Variants in CDC20B observed in about 807,000 individuals in gnomAD.
The protein encoded by CDC20B is cell division cycle protein 20 homolog B.
CDC20B carries 58 observed loss-of-function variants against 64.1 expected under a neutral mutation model. The observed-to-expected ratio is 0.90, with a 90% CI of 0.73 to 1.13. The LOEUF is 1.13. CDC20B is among the 50% of genes most tolerant of loss of function. The probability of loss-of-function intolerance (pLI) is 0.00; values close to 1 mark genes in which losing one functional copy is unlikely to be tolerated. For synonymous variants in CDC20B, 243 were observed against 230.6 expected (o/e 1.05, Z -0.49); for missense variants, 597 against 633.0 (o/e 0.94, Z 0.61).
chr5:55,135,681 T>C (rs999313855), intron 5 of CDC20B: 1 of 151,868 alleles, frequency 6.6e-6, no homozygotes, highest in Non-Finnish European at 1.5e-5. Flanking sequence ...ACAGGGCACA[T>C]GCAGCCCAGG....
At position 55,143,627 on chromosome 5, in the gene CDC20B, T is replaced by C. The variant is rs1426125897; in HGVS notation, c.372A>G (p.Gln124=). Residue 124 remains glutamine, a synonymous_variant, in exon 4 of 12, where the codon CAA becomes CAG. Transcript: ENST00000381375. The part of the protein sequence containing the change: ...ETLTLGSRKE[Q]LKTPSKGISE... ...AAATTCCTTTGCTGGGGGTCTTCAG[T>C]TGTTCTTTGCGGGATCCTACAAGAA... The C allele has an allele frequency of 1.3e-6, 2 of 1,598,760 alleles. No homozygotes were observed. The highest frequency in any genetic ancestry group is 1.4e-5 in the African/African-American group (1 of 73,924).
intron 9 of CDC20B, 144 bp from the exon 10 acceptor site, chr5:55,120,694 C>T: frequency 2.3e-6 from 2 of 882,726 alleles, no homozygotes; most frequent in Non-Finnish European, 3.5e-6. Flanking sequence ...GCAGGAGCAA[C>T]TGCACCCTCC....
intron 2 of CDC20B, among the ~76,000 whole-genome samples, chr5:55,148,777 T>TA (rs1481692083): frequency 6.6e-6 from 1 of 152,252 alleles, no homozygotes; most frequent in Admixed American, 6.5e-5. Context: ...ATTGAGTAGT[T>TA]ACTATGTATG....
rs529321343 is a variant in CDC20B at position 55,169,372 on chromosome 5, A to T, written c.126+3216T>A. 1.7e-4 allele frequency among the ~76,000 whole-genome samples: 26 copies of T among 152,358 alleles called. No homozygotes were observed. The South Asian group carries it at 5.4e-3, about 32-fold the overall frequency. On this transcript the variant is annotated intron_variant, in intron 2 of 11. Coordinates refer to ENST00000381375, the MANE Select transcript of CDC20B (RefSeq NM_001170402.1). ...GAATGCGAAATATTTCTTATATCTC[A>T]TCTATGGCTTAACTAACTGATGGCA...
chr5:55,152,212 A>T (rs927063847), intron 2 of CDC20B, among the ~76,000 whole-genome samples: 1 of 152,230 alleles, frequency 6.6e-6, no homozygotes, highest in South Asian at 2.1e-4. Flanking sequence ...CTTCTGCCCA[A>T]TGAAACTGAG....
intron 5 of CDC20B, chr5:55,137,261 T>C (rs1219339255): frequency 4.1e-6 from 1 of 244,130 alleles, no homozygotes; most frequent in African/African-American, 2.2e-5. Flanking sequence ...CCACAGGCAA[T>C]TATCTCCCCA....
chr5:55,148,812 C>T (rs749651674), intron 2 of CDC20B, among the ~76,000 whole-genome samples: 2 of 152,200 alleles, frequency 1.3e-5, no homozygotes, highest in African/African-American at 2.4e-5. Context: ...GGGTTTTACA[C>T]GTTTGTATTT....
At chr5:55,131,921 C>T (rs1245616430) in intron 6 of CDC20B, among the ~76,000 whole-genome samples, 3 of 152,012 alleles carry the variant, frequency 2.0e-5, no homozygotes, top group Admixed American at 1.3e-4. Flanking sequence ...AAAAATTAGC[C>T]AGGCATGGTG....
intron 8 of CDC20B, among the ~76,000 whole-genome samples, chr5:55,125,614 C>T (rs929642277): frequency 6.6e-6 from 1 of 152,200 alleles, no homozygotes; most frequent in Non-Finnish European, 1.5e-5. Context: ...ATAATGTCTC[C>T]ATTCATGCTC....
chr5:55,130,584 AT>A (rs1743005678), intron 6 of CDC20B, among the ~76,000 whole-genome samples: 2 of 152,202 alleles, frequency 1.3e-5, no homozygotes, highest in Admixed American at 1.3e-4. Flanking sequence ...CAACTGGAAG[AT>A]GGAAAATCTA....
In CDC20B at chr5:55,173,066, A is replaced by G. The variant is rs1247430378; in HGVS notation, c.-66T>C. ...CTCGACTGCCTCTGGTTTTCTTCCC[A>G]GGTCTAAGTCAGTCTTGACGCCTAA... On this transcript the variant is annotated 5_prime_UTR_variant, in exon 1 of 12. Coordinates refer to ENST00000381375, the MANE Select transcript of CDC20B (RefSeq NM_001170402.1). The G allele has an allele frequency of 6.9e-7, 1 of 1,444,440 alleles. No homozygotes were observed. The highest frequency in any genetic ancestry group is 1.4e-5 in the African/African-American group (1 of 71,076). 89.5% of individuals were successfully genotyped at this position (1,444,440 alleles called of 1,614,324 possible).
chr5:55,145,743 C>G (rs1331100216), intron 3 of CDC20B, among the ~76,000 whole-genome samples: 1 of 151,164 alleles, frequency 6.6e-6, no homozygotes, highest in Non-Finnish European at 1.5e-5. Flanking sequence ...CTTCCTCCTC[C>G]TCCTCCTCTG....
intron 2 of CDC20B, among the ~76,000 whole-genome samples, chr5:55,171,156 A>G (rs1255680600): frequency 6.6e-6 from 1 of 152,152 alleles, no homozygotes; most frequent in Non-Finnish European, 1.5e-5. Context: ...TCTATTAAAA[A>G]TACAAAAATT....
chr5:55,138,432 T>C (rs575326067), intron 5 of CDC20B, among the ~76,000 whole-genome samples: 55 of 152,118 alleles, frequency 3.6e-4, no homozygotes, highest in Non-Finnish European at 6.9e-4. Context: ...AATGCTAAGA[T>C]TGCAGGCTTG....
intron 3 of CDC20B, among the ~76,000 whole-genome samples, chr5:55,144,010 A>C (rs79690975): frequency 1.3e-5 from 2 of 150,804 alleles, no homozygotes; most frequent in Non-Finnish European, 1.5e-5. Context: ...AAAAAAAAAA[A>C]ACCAGATTTG....
At chr5:55,150,660 C>T (rs1743640914) in intron 2 of CDC20B, among the ~76,000 whole-genome samples, 1 of 152,168 alleles carries the variant, frequency 6.6e-6, no homozygotes, top group African/African-American at 2.4e-5. Context: ...ATCTCAATCT[C>T]AGAAACCTTG....
intron 2 of CDC20B, chr5:55,161,370 A>C: frequency 9.8e-7 from 1 of 1,024,872 alleles, no homozygotes; most frequent in Non-Finnish European, 1.4e-6. Flanking sequence ...GCTTCATAAA[A>C]CTATCATCAA....
intron 2 of CDC20B, among the ~76,000 whole-genome samples, chr5:55,162,871 A>G (rs934898318): frequency 3.3e-5 from 5 of 152,232 alleles, no homozygotes; most frequent in Non-Finnish European, 7.3e-5. Flanking sequence ...CCACTTAGAT[A>G]GGAAGGATCA....
chr5:55,168,705 G>A (rs1056395328), intron 2 of CDC20B, among the ~76,000 whole-genome samples: 1 of 152,072 alleles, frequency 6.6e-6, no homozygotes, highest in East Asian at 1.9e-4. Flanking sequence ...AAAAATTTAA[G>A]TTGGCATTTT....
Sources: allele counts gnomAD v4.1 joint callset (sites outside exome capture counted in the v4.1 genomes callset), GRCh38; gene constraint gnomAD v4.1.1; transcripts MANE v1.5; gene names NCBI Gene and HGNC (gene_info 2026-07-23, HGNC 2026-07-21).